Variants in TCP11L2 observed in about 807,000 individuals in gnomAD.
TCP11L2 encodes T-complex protein 11-like protein 2.
TCP11L2 carries 39 observed loss-of-function variants against 50.7 expected under a neutral mutation model. The observed-to-expected ratio is 0.77, with a 90% CI of 0.60 to 1.01. The LOEUF (loss-of-function observed/expected upper bound fraction) is 1.01. Ranked by LOEUF, TCP11L2 falls within the 50% of genes least tolerant of loss-of-function variation. The probability of loss-of-function intolerance (pLI) is 0.00; values close to 1 mark genes in which losing one functional copy is unlikely to be tolerated. For missense variants in TCP11L2, 612 were observed against 614.7 expected (o/e 1.00, Z 0.05); for synonymous variants, 192 against 219.3 (o/e 0.88, Z 1.10).
chr12:106,328,758 G>T (rs79803463), intron 6 of TCP11L2, among the ~76,000 whole-genome samples: 1,935 of 152,306 alleles, frequency 0.013, 43 homozygotes, highest in African/African-American at 0.044. Flanking sequence ...GAGGAAGTTT[G>T]CAGAATCAAA....
At chr12:106,319,820 C>T (rs1010958841) in intron 4 of TCP11L2, among the ~76,000 whole-genome samples, 3 of 152,340 alleles carry the variant, frequency 2.0e-5, no homozygotes, top group South Asian at 2.1e-4. Flanking sequence ...TGGCTCAGAG[C>T]GCAAGCTCTT....
intron 8 of TCP11L2, among the ~76,000 whole-genome samples, chr12:106,340,387 T>C (rs968890724): frequency 6.6e-6 from 1 of 152,232 alleles, no homozygotes. Flanking sequence ...TTTGTTGTTT[T>C]TGATTGGTGT....
At chr12:106,299,474 A>T (rs2034381065), upstream of TCP11L2, among the ~76,000 whole-genome samples, 1 of 152,186 alleles carries the variant, frequency 6.6e-6, no homozygotes. Flanking sequence ...GCAAAATGAA[A>T]ATGCAAGGCC....
At chr12:106,345,750 G>A (rs2036211000) in intron 9 of TCP11L2, among the ~76,000 whole-genome samples, 1 of 152,130 alleles carries the variant, frequency 6.6e-6, no homozygotes, top group Admixed American at 6.5e-5. Flanking sequence ...CAGTCTGTGA[G>A]GCGACCGGGT....
At chr12:106,345,122 G>A (rs1266862884) in intron 9 of TCP11L2, among the ~76,000 whole-genome samples, 1 of 152,110 alleles carries the variant, frequency 6.6e-6, no homozygotes, top group African/African-American at 2.4e-5. Context: ...AGCCTCCTAA[G>A]TAGCTGGGAC....
rs759602955 is a variant in TCP11L2, at chr12:106,339,773, G to A, written c.1143-1053G>A. On this transcript the variant is annotated intron_variant, in intron 8 of 9. Coordinates refer to ENST00000299045, the MANE Select transcript of TCP11L2 (RefSeq NM_152772.3). ...AGTACATTGTAGTGGATAAAAAGTC[G>A]GAAGGTAAAAATTTTATTACAATCA... 1.1e-4 allele frequency among the ~76,000 whole-genome samples: 16 copies of A among 152,328 alleles called. 1 individual carries two copies. The highest frequency in any genetic ancestry group is 4.1e-4 in the South Asian group (2 of 4,826).
chr12:106,329,544 G>C, intron 6 of TCP11L2: 1 of 1,438,116 alleles, frequency 7.0e-7, no homozygotes, highest in Non-Finnish European at 9.1e-7. Flanking sequence ...ACAGAGGCCT[G>C]AGCCCTGCCT....
chr12:106,311,305 G>A, intron 2 of TCP11L2, 73 bp downstream of exon 2: 1 of 1,536,806 alleles, frequency 6.5e-7, no homozygotes, highest in Non-Finnish European at 8.8e-7. Flanking sequence ...TGAAAACTCA[G>A]AAACGCCTGA....
chr12:106,318,375 CA>C lies in TCP11L2; in HGVS notation c.326del (p.Gln109ArgfsTer11). 6.2e-7 allele frequency: 1 copy of C among 1,613,882 alleles called. No individual in the cohort carries two copies. Among genetic ancestry groups the C allele is most frequent in the Non-Finnish European group, 8.5e-7 (1 of 1,179,860 alleles). On this transcript the variant is annotated frameshift_variant, in exon 4 of 10. Transcript: ENST00000299045. LOFTEE classifies it high-confidence loss of function. ...TGGTCGAGTGAAGCACATTGTTCAC[CA>C]GGCCTTCTGGGACGTCTTGGATTCA... ...LAGRVKHIVHQAFWDVLDSEL... is the reference protein window; with the variant it reads ...LAGRVKHIVHXAFWDVLDSEL...
At chr12:106,340,459 TA>T (rs1466593745) in intron 8 of TCP11L2, among the ~76,000 whole-genome samples, 1 of 152,244 alleles carries the variant, frequency 6.6e-6, no homozygotes, top group African/African-American at 2.4e-5. Context: ...GTGCATTTTT[TA>T]AAATGTGTGA....
intron 1 of TCP11L2, among the ~76,000 whole-genome samples, chr12:106,304,536 A>C (rs904017490): frequency 2.0e-5 from 3 of 152,238 alleles, no homozygotes; most frequent in Non-Finnish European, 4.4e-5. Context: ...CAGAAGATGG[A>C]AATTTTTCAC....
chr12:106,318,570 C>T lies in TCP11L2; in HGVS notation c.414+106C>T, dbSNP rs1457378357. 10 of 1,430,390 alleles carry T rather than the reference C, an allele frequency of 7.0e-6. No homozygotes were observed. In the East Asian group the frequency reaches 2.2e-4, roughly 31 times the overall value. The allele number at this position is 1,430,390 out of a possible 1,614,324, so 88.6% of individuals were successfully genotyped here. On this transcript the variant is annotated intron_variant, in intron 4 of 9. Coordinates refer to ENST00000299045, the MANE Select transcript of TCP11L2 (RefSeq NM_152772.3). ...TTATAAACAATAGAAATTTACTTCT[C>T]ACAGTACTGGAGGCTGGGAAGTCCA...
At chr12:106,313,744 A>G (rs886114681) in intron 2 of TCP11L2, among the ~76,000 whole-genome samples, 53 of 150,100 alleles carry the variant, frequency 3.5e-4, no homozygotes, top group Non-Finnish European at 6.2e-4. Context: ...TTCAATGGGC[A>G]CTAAAAATGA....
chr12:106,312,214 C>T (rs189264045), intron 2 of TCP11L2: 111 of 401,068 alleles, frequency 2.8e-4, no homozygotes, highest in Non-Finnish European at 4.1e-4. Context: ...AGTGAATGTA[C>T]GGTAAAATTA....
At chr12:106,343,968 C>T (rs758279006) in intron 9 of TCP11L2, among the ~76,000 whole-genome samples, 13 of 151,296 alleles carry the variant, frequency 8.6e-5, no homozygotes, top group Non-Finnish European at 1.8e-4. Context: ...GCCATCTACA[C>T]TTTTAACAAG....
In TCP11L2 at chr12:106,321,889, T is replaced by C. The variant is rs2035352698; in HGVS notation, c.635+183T>C. Among the ~76,000 whole-genome samples the C allele has an allele frequency of 3.3e-5, 5 of 152,332 alleles. No homozygotes were observed. In the South Asian group the frequency reaches 1.0e-3, roughly 32 times the overall value. ...GTATGCAGAGAGTTTTCACATAGAA[T>C]GATCTGACAAGGTTGTTAGTTGGCA... On this transcript the variant is annotated intron_variant, in intron 5 of 9. Coordinates refer to ENST00000299045, the MANE Select transcript of TCP11L2 (RefSeq NM_152772.3).
intron 3 of TCP11L2, among the ~76,000 whole-genome samples, chr12:106,315,634 A>T (rs1013934480): frequency 6.6e-6 from 1 of 152,234 alleles, no homozygotes. Context: ...TGAACTGTCA[A>T]AGTGCTAAAA....
At chr12:106,343,138 C>A (rs567927873) in intron 9 of TCP11L2, among the ~76,000 whole-genome samples, 90 of 152,324 alleles carry the variant, frequency 5.9e-4, no homozygotes, top group Admixed American at 1.3e-3. Context: ...GTGGCTGCTC[C>A]TAACTTTACA....
At chr12:106,311,407 T>C (rs1340168573) in intron 2 of TCP11L2, among the ~76,000 whole-genome samples, 175 bp downstream of exon 2, 2 of 152,210 alleles carry the variant, frequency 1.3e-5, no homozygotes, top group Non-Finnish European at 2.9e-5. Context: ...AAATAGCCAC[T>C]AAAGTTTACA....
Sources: allele counts gnomAD v4.1 joint callset (sites outside exome capture counted in the v4.1 genomes callset), GRCh38; gene constraint gnomAD v4.1.1; transcripts MANE v1.5; gene names NCBI Gene and HGNC (gene_info 2026-07-23, HGNC 2026-07-21).